ARHGEF3: variants seen among roughly 807,000 people sequenced by gnomAD.
ARHGEF3 encodes the protein 59.8 kDA protein.
In ARHGEF3, 28 loss-of-function variants were observed where a neutral mutation model predicts 63.2. The observed-to-expected ratio is 0.44, with a 90% CI of 0.33 to 0.61. The LOEUF (loss-of-function observed/expected upper bound fraction) is 0.61, where lower values mean the gene tolerates loss of function less well. Among genes scored for constraint, ARHGEF3 ranks in the 20% least tolerant of loss-of-function variants. The pLI is 0.03. For missense variants in ARHGEF3, 533 were observed against 659.3 expected, an observed-to-expected ratio of 0.81 and a Z score of 2.10; for synonymous variants, 266 against 254.2, an observed-to-expected ratio of 1.05 and a Z score of -0.44.
At chr3:56,856,708 GTT>G (rs55803652) in intron 4 of ARHGEF3, among the ~76,000 whole-genome samples, 13 of 138,110 alleles carry the variant, frequency 9.4e-5, no homozygotes, top group Admixed American at 7.7e-5. Flanking sequence ...GAGGTTTTTT[GTT>G]TTTTTTTTTT....
At chr3:56,895,448 T>C (rs1210343699) in intron 3 of ARHGEF3, among the ~76,000 whole-genome samples, 1 of 144,776 alleles carries the variant, frequency 6.9e-6, no homozygotes, top group African/African-American at 2.6e-5. Flanking sequence ...TTCAGGTCCA[T>C]TGTTCTTATT....
intron 3 of ARHGEF3, among the ~76,000 whole-genome samples, chr3:56,938,460 GGTTA>G (rs1271680402): frequency 1.3e-5 from 2 of 152,150 alleles, no homozygotes; most frequent in African/African-American, 2.4e-5. Flanking sequence ...ATAATTAAGT[GGTTA>G]GTAAGTCAAA....
chr3:56,742,534 A>T (rs1184484275), intron 7 of ARHGEF3, among the ~76,000 whole-genome samples: 2 of 152,156 alleles, frequency 1.3e-5, no homozygotes, highest in Admixed American at 1.3e-4. Context: ...AAATTTATTC[A>T]TGGGATATTT....
At chr3:56,919,602 C>T (rs1316266578) in intron 3 of ARHGEF3, among the ~76,000 whole-genome samples, 3 of 152,194 alleles carry the variant, frequency 2.0e-5, no homozygotes, top group Admixed American at 1.3e-4. Context: ...TTGTCCATTC[C>T]TCTTACCTCT....
intron 2 of ARHGEF3, among the ~76,000 whole-genome samples, chr3:57,029,064 T>C (rs1703612708): frequency 6.6e-6 from 1 of 151,580 alleles, no homozygotes; most frequent in Non-Finnish European, 1.5e-5. Flanking sequence ...GGGGCTTAAC[T>C]CTTCCACTCA....
chr3:56,772,534 G>A (rs2036061654), intron 2 of ARHGEF3, among the ~76,000 whole-genome samples: 1 of 152,154 alleles, frequency 6.6e-6, no homozygotes, highest in South Asian at 2.1e-4. Context: ...GCTAAACCAG[G>A]TGAGCCTTTT....
chr3:56,735,719 C>G (rs2033572345), intron 8 of ARHGEF3, among the ~76,000 whole-genome samples: 1 of 152,166 alleles, frequency 6.6e-6, no homozygotes, highest in Admixed American at 6.6e-5. Context: ...CAGAATGCAG[C>G]TTTCTAGCAA....
intron 1 of ARHGEF3, chr3:57,078,894 T>G: frequency 4.2e-6 from 1 of 237,238 alleles, no homozygotes; most frequent in East Asian, 7.6e-5. Context: ...CTCAAGGGGC[T>G]ACCCGGGGAA....
At chr3:56,782,671 G>GTTTGT (rs80244517) in intron 1 of ARHGEF3, among the ~76,000 whole-genome samples, 63,728 of 149,374 alleles carry the variant, frequency 0.43, 14,207 homozygotes, top group Middle Eastern at 0.66. Flanking sequence ...AAAAGCTGGG[G>GTTTGT]TTTGTTTTGT....
At chr3:57,024,589 G>A (rs1361811254) in intron 2 of ARHGEF3, among the ~76,000 whole-genome samples, 5 of 152,080 alleles carry the variant, frequency 3.3e-5, no homozygotes, top group South Asian at 2.1e-4. Context: ...CCGGGTTCAC[G>A]CCATTCTCCT....
At chr3:56,802,108 G>A (rs530260577), upstream of ARHGEF3, 2 of 872,984 alleles carry the variant, frequency 2.3e-6, no homozygotes, top group South Asian at 2.1e-5. Context: ...GCGGTCCCGC[G>A]GGTGGAGAGG....
chr3:56,821,658 T>A (rs2038498250), intron 4 of ARHGEF3, among the ~76,000 whole-genome samples: 1 of 152,116 alleles, frequency 6.6e-6, no homozygotes, highest in Non-Finnish European at 1.5e-5. Context: ...TATCTCTACA[T>A]GTGTGACTTT....
At chr3:56,882,161 T>C (rs1229345743) in intron 4 of ARHGEF3, 1 of 818,742 alleles carries the variant, frequency 1.2e-6, no homozygotes, top group African/African-American at 1.7e-5. Context: ...AAAAAAAATT[T>C]CCCCCAGGTC....
upstream of ARHGEF3, among the ~76,000 whole-genome samples, chr3:56,806,884 G>C (rs952307066): frequency 6.7e-6 from 1 of 149,934 alleles, no homozygotes; most frequent in Non-Finnish European, 1.5e-5. Context: ...AAGGAATAGC[G>C]AGTTCCTTTT....
intron 4 of ARHGEF3, among the ~76,000 whole-genome samples, chr3:56,870,561 T>TTGTACAAACCCATGGAA (rs1440114910): frequency 1.3e-5 from 2 of 152,202 alleles, no homozygotes; most frequent in African/African-American, 4.8e-5. Context: ...GATTACACTT[T>TTGTACAAACCCATGGAA]TGTACAAACC....
chr3:56,776,913 C>T (rs1319943003), intron 1 of ARHGEF3, among the ~76,000 whole-genome samples: 1 of 152,020 alleles, frequency 6.6e-6, no homozygotes, highest in Non-Finnish European at 1.5e-5. Context: ...GGGTATCTCA[C>T]TAAAGTTTAA....
intron 4 of ARHGEF3, among the ~76,000 whole-genome samples, chr3:56,826,381 C>A (rs2038713820): frequency 6.6e-6 from 1 of 152,164 alleles, no homozygotes. Flanking sequence ...AAATGAGTAG[C>A]TGCCTTCTTA....
intron 4 of ARHGEF3, among the ~76,000 whole-genome samples, chr3:56,870,717 C>T (rs910741902): frequency 2.9e-4 from 44 of 151,926 alleles, no homozygotes; most frequent in Admixed American, 1.7e-3. Context: ...ATGTATACAT[C>T]GACTTGGGGG....
intron 3 of ARHGEF3, among the ~76,000 whole-genome samples, chr3:56,923,297 T>A (rs1489856572): frequency 9.7e-5 from 12 of 123,584 alleles, no homozygotes; most frequent in Admixed American, 5.1e-4. Flanking sequence ...GTATAGGTTT[T>A]AATTTTTCCA....
Sources: allele counts gnomAD v4.1 joint callset (sites outside exome capture counted in the v4.1 genomes callset), GRCh38; gene constraint gnomAD v4.1.1; transcripts MANE v1.5; gene names NCBI Gene and HGNC (gene_info 2026-07-23, HGNC 2026-07-21).